PIK3R4: variants seen among roughly 807,000 people sequenced by gnomAD.
The protein encoded by PIK3R4 is phosphoinositide-3-kinase regulatory subunit 4.
PIK3R4 carries 46 observed loss-of-function variants against 136.5 expected under a neutral mutation model. That is an observed-to-expected ratio of 0.34 (90% confidence interval 0.27 to 0.43). The LOEUF (loss-of-function observed/expected upper bound fraction) is 0.43, where lower values mean the gene tolerates loss of function less well. Ranked by LOEUF, PIK3R4 falls within the 20% of genes least tolerant of loss-of-function variation. The probability of loss-of-function intolerance (pLI) is 1.00; values close to 1 mark genes in which losing one functional copy is unlikely to be tolerated. For missense variants in PIK3R4, 1,331 were observed against 1,649.5 expected, an observed-to-expected ratio of 0.81 and a Z score of 3.35; for synonymous variants, 557 against 566.7, an observed-to-expected ratio of 0.98 and a Z score of 0.24.
At position 130,690,517 on chromosome 3, in the gene PIK3R4, G is replaced by A. The variant is rs2066510977; in HGVS notation, c.3236C>T (p.Ser1079Phe). The A allele has an allele frequency of 6.2e-7, 1 of 1,613,246 alleles. No homozygotes were observed. The highest frequency in any genetic ancestry group is 1.7e-5 in the Admixed American group (1 of 59,922). Residue 1079 changes from serine (S) to phenylalanine (F), a missense_variant, in exon 14 of 20, where the codon TCT (serine) becomes TTT (phenylalanine). Around this residue, in one of 2 missense-constraint regions of PIK3R4, gnomAD observed 1,180 missense variants for 1,407.0 expected, o/e 0.84. Coordinates refer to ENST00000356763, the MANE Select transcript of PIK3R4 (RefSeq NM_014602.3). The part of the protein sequence containing the change: ...LGIEASKLPK[S>F]PKIHPLQSRI... ...GCTTTGTAGAGGATGGATTTTAGGA[G>A]ACTTGGGCAGCTTAGAAGCCTCAAT...
chr3:130,699,462 T>C (rs2066564514), intron 13 of PIK3R4, among the ~76,000 whole-genome samples: 1 of 152,148 alleles, frequency 6.6e-6, no homozygotes, highest in Non-Finnish European at 1.5e-5. Context: ...ATAACTACCA[T>C]AGTTGTGAGG....
chr3:130,743,730 G>A (rs72998257), intron 2 of PIK3R4, among the ~76,000 whole-genome samples: 3,757 of 152,174 alleles, frequency 0.025, 114 homozygotes, highest in African/African-American at 0.057. Flanking sequence ...ATCTTAAGCC[G>A]GTCACAATCA....
intron 14 of PIK3R4, among the ~76,000 whole-genome samples, chr3:130,686,794 G>A (rs942144117): frequency 1.3e-5 from 2 of 152,116 alleles, no homozygotes; most frequent in African/African-American, 4.8e-5. Flanking sequence ...GGATAATACA[G>A]GGCAATATTA....
Position 130,728,473 on chromosome 3 carries a change from A to G in PIK3R4, c.1797T>C (p.Asp599=), listed in dbSNP as rs1224562128. 6.2e-7 allele frequency: 1 copy of G among 1,607,322 alleles called. No homozygotes were observed. Residue 599 remains aspartate, a synonymous_variant, in exon 6 of 20, where the codon GAT becomes GAC. Coordinates refer to ENST00000356763, the MANE Select transcript of PIK3R4 (RefSeq NM_014602.3). ...NDWHLRGAFF[D]SIVGVAAYVG... ...AAGCAAAAAACATACCAACTATACT[A>G]TCAAAAAATGCTCCACGTAGATGCC...
intron 12 of PIK3R4, 79 bp from the exon 13 acceptor site, chr3:130,703,967 A>G (rs2066593546): frequency 1.1e-6 from 1 of 905,520 alleles, no homozygotes; most frequent in African/African-American, 1.7e-5. Flanking sequence ...TATAATAACC[A>G]ACAACCAGCT....
chr3:130,695,671 CT>C (rs1156303585), intron 13 of PIK3R4, among the ~76,000 whole-genome samples: 11 of 152,098 alleles, frequency 7.2e-5, no homozygotes, highest in Admixed American at 5.9e-4. Context: ...ATTCACATAA[CT>C]TTTATTAAAA....
chr3:130,700,647 G>C (rs2066569375), intron 13 of PIK3R4, among the ~76,000 whole-genome samples: 1 of 152,196 alleles, frequency 6.6e-6, no homozygotes, highest in African/African-American at 2.4e-5. Context: ...ACTGGGAACT[G>C]AATGGTCTGC....
chr3:130,690,182 GT>G (rs2066508455), intron 14 of PIK3R4, among the ~76,000 whole-genome samples: 1 of 152,090 alleles, frequency 6.6e-6, no homozygotes, highest in Non-Finnish European at 1.5e-5. Context: ...GTAATTTTAG[GT>G]TATTCAGACA....
chr3:130,683,632 C>A (rs1468264280), intron 16 of PIK3R4, among the ~76,000 whole-genome samples: 19 of 152,150 alleles, frequency 1.2e-4, no homozygotes, highest in Non-Finnish European at 2.4e-4. Flanking sequence ...GAAGGGACCA[C>A]AAAGAGCCTA....
At chr3:130,717,807 A>G (rs2066673996) in intron 8 of PIK3R4, among the ~76,000 whole-genome samples, 1 of 152,180 alleles carries the variant, frequency 6.6e-6, no homozygotes, top group Non-Finnish European at 1.5e-5. Flanking sequence ...TTTAATGCCT[A>G]TCTTGATAAT....
At position 130,723,416 on chromosome 3, in the gene PIK3R4, A is replaced by G. The variant is rs969828844; in HGVS notation, c.1979T>C (p.Ile660Thr). 1.9e-6 allele frequency: 3 copies of G among 1,599,498 alleles called. No homozygotes were observed. The highest frequency in any genetic ancestry group is 1.7e-4 in the Middle Eastern group (1 of 5,996). Residue 660 changes from isoleucine (I) to threonine (T), a missense_variant and splice_region_variant, in exon 7 of 20, where the codon ATT becomes ACT. By Grantham distance (89) the Ile-to-Thr change is moderately conservative. This residue lies in a region of PIK3R4 where 1,180 missense variants were observed against 1,407.0 expected (regional missense o/e 0.84). Coordinates refer to ENST00000356763, the MANE Select transcript of PIK3R4 (RefSeq NM_014602.3). ...AATTTTGAGAAACAGAAACTTACCA[A>G]TATCACTGGCAAATTCGTAAACATG... is the stretch of plus-strand genomic sequence containing the variant. ...KPHVYEFASD[I>T]APFLCHPNLW...
Position 130,706,943 on chromosome 3 carries a change from A to G in PIK3R4, c.2721+5T>C, listed in dbSNP as rs755809672. 13 of 1,603,966 alleles carry G rather than the reference A, an allele frequency of 8.1e-6. No homozygotes were observed. The highest frequency in any genetic ancestry group is 2.2e-5 in the South Asian group (2 of 88,994). ...AGGAGGACTACTGACTGGGTGACACAGTACCTGTGAAGAAGTTGACAAAGG... is the reference window on the plus strand; with the variant it reads ...AGGAGGACTACTGACTGGGTGACACGGTACCTGTGAAGAAGTTGACAAAGG... On this transcript the variant is annotated splice_donor_5th_base_variant and intron_variant, in intron 11 of 19. Coordinates refer to ENST00000356763, the MANE Select transcript of PIK3R4 (RefSeq NM_014602.3).
At chr3:130,693,719 G>A (rs2066531828) in intron 13 of PIK3R4, among the ~76,000 whole-genome samples, 1 of 152,054 alleles carries the variant, frequency 6.6e-6, no homozygotes, top group African/African-American at 2.4e-5. Context: ...CTCCCATTCT[G>A]TGGATTGTCT....
intron 15 of PIK3R4, 110 bp from the exon 16 acceptor site, chr3:130,684,491 G>A (rs2066477676): frequency 6.0e-6 from 6 of 1,001,684 alleles, no homozygotes; most frequent in Non-Finnish European, 8.7e-6. Flanking sequence ...TTTGAAAAAT[G>A]CCTTCGTTAC....
chr3:130,722,891 C>G (rs2066709423), intron 7 of PIK3R4, among the ~76,000 whole-genome samples: 1 of 144,928 alleles, frequency 6.9e-6, no homozygotes, highest in Non-Finnish European at 1.5e-5. Flanking sequence ...CCCGTCTCTA[C>G]TAAAAATACA....
At chr3:130,702,058 T>C (rs1215804590) in intron 13 of PIK3R4, among the ~76,000 whole-genome samples, 2 of 151,964 alleles carry the variant, frequency 1.3e-5, no homozygotes, top group Admixed American at 1.3e-4. Context: ...GGAGGATTGC[T>C]TGAAACCCAG....
rs758071728 is a variant in PIK3R4, at chr3:130,718,486, C to A, written c.2030G>T (p.Gly677Val). The change falls in exon 8 of 20, where the codon GGA (glycine) becomes GTA (valine). Residue 677 changes from glycine to valine, a missense_variant. Coordinates refer to ENST00000356763, the MANE Select transcript of PIK3R4 (RefSeq NM_014602.3). ...TTGACGAGCTACCACTGTGATAAAT[C>A]CCACGGCACCATAACGTATCCATAA... Reference protein sequence around the residue: ...PNLWIRYGAVGFITVVARQIS... With the variant: ...PNLWIRYGAVVFITVVARQIS... The A allele has an allele frequency of 6.2e-7, 1 of 1,613,688 alleles. No homozygotes were observed. The highest frequency in any genetic ancestry group is 1.3e-5 in the African/African-American group (1 of 74,832).
At chr3:130,732,132 T>C (rs74862967) in intron 4 of PIK3R4, among the ~76,000 whole-genome samples, 2,962 of 152,348 alleles carry the variant, frequency 0.019, 96 homozygotes, top group African/African-American at 0.067. Context: ...TTAGACCGGA[T>C]ACATTTGGGT....
intron 14 of PIK3R4, among the ~76,000 whole-genome samples, chr3:130,690,116 A>AT (rs1559820474): frequency 6.6e-6 from 1 of 152,222 alleles, no homozygotes; most frequent in African/African-American, 2.4e-5. Flanking sequence ...GAACACTCAC[A>AT]TTCTCAAAAT....
Sources: allele counts gnomAD v4.1 joint callset (sites outside exome capture counted in the v4.1 genomes callset), GRCh38; gene constraint gnomAD v4.1.1; regional missense constraint gnomAD v4.1.1; transcripts MANE v1.5; gene names NCBI Gene and HGNC (gene_info 2026-07-23, HGNC 2026-07-21).